Variants in CFAP20DC observed in about 807,000 individuals in gnomAD.
CFAP20DC encodes protein CFAP20DC.
Under a neutral mutation model 101.7 loss-of-function variants are expected in CFAP20DC, and 84 were observed. The ratio of observed to expected loss-of-function variants is 0.83; its 90% CI spans 0.69 to 0.99. The LOEUF is 0.99. Among genes scored for constraint, CFAP20DC ranks in the 50% least tolerant of loss-of-function variants. The pLI is 0.00. For synonymous variants in CFAP20DC, 359 were observed against 351.2 expected (o/e 1.02, Z -0.25); for missense variants, 1,007 against 970.3 (o/e 1.04, Z -0.50).
At chr3:58,824,613 T>C (rs1052957842) in intron 14 of CFAP20DC, 6 of 152,276 alleles carry the variant, frequency 3.9e-5, no homozygotes, top group East Asian at 3.9e-4. Context: ...GTAAAACCTA[T>C]GAAAATGGCG....
chr3:58,832,595 G>A (rs1382963175), intron 13 of CFAP20DC, among the ~76,000 whole-genome samples: 2 of 152,206 alleles, frequency 1.3e-5, no homozygotes, highest in East Asian at 3.9e-4. Context: ...ATTGGTAAAA[G>A]CCATCAAGTA....
chr3:58,954,952 A>G (rs1011055908), intron 4 of CFAP20DC, among the ~76,000 whole-genome samples: 1 of 152,122 alleles, frequency 6.6e-6, no homozygotes, highest in African/African-American at 2.4e-5. Context: ...TCATTAAGGT[A>G]GCAAAAAACC....
chr3:58,898,977 C>T (rs2082908314), intron 6 of CFAP20DC, among the ~76,000 whole-genome samples: 1 of 151,980 alleles, frequency 6.6e-6, no homozygotes. Flanking sequence ...CCACTCCAGA[C>T]CCTAGTTGCC....
At chr3:58,771,561 A>G (rs1332969335) in intron 15 of CFAP20DC, among the ~76,000 whole-genome samples, 1 of 152,162 alleles carries the variant, frequency 6.6e-6, no homozygotes, top group Non-Finnish European at 1.5e-5. Context: ...AGTTTGAGCT[A>G]AAGACCATTG....
At chr3:58,928,708 A>T (rs142529998) in intron 5 of CFAP20DC, among the ~76,000 whole-genome samples, 10 of 152,312 alleles carry the variant, frequency 6.6e-5, no homozygotes, top group African/African-American at 2.2e-4. Context: ...TACGGAAACA[A>T]ATGCCCTATC....
At chr3:58,963,095 C>T (rs2091270557) in intron 4 of CFAP20DC, among the ~76,000 whole-genome samples, 1 of 151,748 alleles carries the variant, frequency 6.6e-6, no homozygotes, top group African/African-American at 2.4e-5. Context: ...TTTTCATTGA[C>T]TGTACTGACA....
At chr3:59,036,164 T>C (rs2094099273) in intron 4 of CFAP20DC, among the ~76,000 whole-genome samples, 1 of 152,032 alleles carries the variant, frequency 6.6e-6, no homozygotes, top group Non-Finnish European at 1.5e-5. Context: ...TAATAAGAGG[T>C]ATTTATGACA....
intron 6 of CFAP20DC, among the ~76,000 whole-genome samples, chr3:58,890,367 T>A (rs2082079758): frequency 7.4e-6 from 1 of 135,804 alleles, no homozygotes; most frequent in African/African-American, 2.8e-5. Flanking sequence ...GGCTCCTCAC[T>A]TCCCAGTAGG....
At chr3:58,750,566 C>CA (rs1196068457) in intron 16 of CFAP20DC, among the ~76,000 whole-genome samples, 1 of 152,190 alleles carries the variant, frequency 6.6e-6, no homozygotes, top group Non-Finnish European at 1.5e-5. Context: ...ACCACATTCA[C>CA]ACCTCAGTGA....
chr3:58,820,212 A>G (rs1282669708), intron 14 of CFAP20DC, among the ~76,000 whole-genome samples: 59 of 150,530 alleles, frequency 3.9e-4, no homozygotes, highest in Admixed American at 1.5e-3. Context: ...AACTGGAAGC[A>G]TTCCCTTTGA....
At chr3:58,931,957 A>G (rs895905648) in intron 5 of CFAP20DC, among the ~76,000 whole-genome samples, 1 of 152,256 alleles carries the variant, frequency 6.6e-6, no homozygotes, top group Non-Finnish European at 1.5e-5. Context: ...AGAAGGCTTC[A>G]GATGATCAAA....
chr3:58,796,604 G>C (rs1277333075), intron 15 of CFAP20DC, among the ~76,000 whole-genome samples: 1 of 152,136 alleles, frequency 6.6e-6, no homozygotes, highest in Non-Finnish European at 1.5e-5. Context: ...AGTTAAATTT[G>C]ACAGTGCACC....
chr3:58,774,366 T>C (rs1469560386), intron 15 of CFAP20DC, among the ~76,000 whole-genome samples: 1 of 152,206 alleles, frequency 6.6e-6, no homozygotes, highest in Admixed American at 6.5e-5. Flanking sequence ...CAGGATAAAG[T>C]GAAAATTCTT....
chr3:58,987,904 A>T (rs1016001684), intron 4 of CFAP20DC, among the ~76,000 whole-genome samples: 20 of 152,160 alleles, frequency 1.3e-4, no homozygotes, highest in African/African-American at 4.3e-4. Context: ...CCTTTAAGGA[A>T]CCCAATACAG....
At chr3:59,034,938 T>C (rs1490258201) in intron 4 of CFAP20DC, among the ~76,000 whole-genome samples, 3 of 152,144 alleles carry the variant, frequency 2.0e-5, no homozygotes, top group African/African-American at 4.8e-5. Flanking sequence ...AACCACATAA[T>C]AGGAAGTAAA....
In CFAP20DC at chr3:59,007,010, C is replaced by A. The variant is rs73837008; in HGVS notation, c.278+32547G>T. 2.6e-5 allele frequency among the ~76,000 whole-genome samples: 4 copies of A among 152,114 alleles called. No individual in the cohort carries two copies. Among genetic ancestry groups the A allele is most frequent in the East Asian group, 3.9e-4 (2 of 5,188 alleles). ...ACTCAGTGCTGTTAGTGGGGCACTG[C>A]GAGAGCGAGACTGGCCTTGCCAACT... On this transcript the variant is annotated intron_variant, in intron 4 of 16. Transcript: ENST00000482387. The surrounding 1 kb of genome is among the most constrained non-coding windows in gnomAD (Gnocchi z 4.4).
Position 59,037,435 on chromosome 3 carries a change from TA to T in CFAP20DC, c.278+2121del, listed in dbSNP as rs534904847. On this transcript the variant is annotated intron_variant, in intron 4 of 16. Transcript: ENST00000482387. ...ACCAGGAACTTAAACCAATTTACAATAAAAAAAAAAAAACTCCAGCAAAAAC... is the reference window on the plus strand; with the variant it reads ...ACCAGGAACTTAAACCAATTTACAATAAAAAAAAAAAACTCCAGCAAAAAC... Among the ~76,000 whole-genome samples the T allele has an allele frequency of 4.5e-3, 555 of 124,346 alleles. 2 individuals are homozygous for T. The highest frequency in any genetic ancestry group is 0.013 in the African/African-American group (426 of 33,722). 81.6% of individuals were successfully genotyped at this position (124,346 alleles called of 152,430 possible). A position where few individuals can be genotyped will look rare whatever the true frequency, so the allele number is the denominator to read the frequency against.
chr3:58,815,577 C>G (rs1157927768), intron 14 of CFAP20DC, among the ~76,000 whole-genome samples: 2 of 151,222 alleles, frequency 1.3e-5, no homozygotes, highest in African/African-American at 2.4e-5. Context: ...AGGCAACCTA[C>G]AAAATGGGAG....
intron 13 of CFAP20DC, among the ~76,000 whole-genome samples, chr3:58,842,424 G>C (rs2077205945): frequency 6.6e-6 from 1 of 152,102 alleles, no homozygotes; most frequent in Admixed American, 6.5e-5. Flanking sequence ...GGAAAATCGG[G>C]TCACTCCCAC....
Sources: allele counts gnomAD v4.1 joint callset (sites outside exome capture counted in the v4.1 genomes callset), GRCh38; gene constraint gnomAD v4.1.1; non-coding constraint Gnocchi (gnomAD v3.1); transcripts MANE v1.5; gene names NCBI Gene and HGNC (gene_info 2026-07-23, HGNC 2026-07-21).